Variants in STX8 observed in about 807,000 individuals in gnomAD.
STX8 encodes syntaxin-8.
In STX8, 23 loss-of-function variants were observed where a neutral mutation model predicts 37.5. The observed-to-expected ratio is 0.61, with a 90% CI of 0.44 to 0.87. The LOEUF is 0.87. Ranked by LOEUF, STX8 falls within the 40% of genes least tolerant of loss-of-function variation. The pLI is 0.00. For synonymous variants in STX8, 115 were observed against 99.1 expected, an observed-to-expected ratio of 1.16 and a Z score of -0.95; for missense variants, 313 against 284.7, an observed-to-expected ratio of 1.10 and a Z score of -0.71.
intron 6 of STX8, among the ~76,000 whole-genome samples, chr17:9,435,150 A>T (rs1904385511): frequency 6.6e-6 from 1 of 152,200 alleles, no homozygotes; most frequent in Non-Finnish European, 1.5e-5. Context: ...GACACTAATA[A>T]CCAAGATAAA....
intron 6 of STX8, among the ~76,000 whole-genome samples, chr17:9,404,120 G>C (rs750766067): frequency 6.6e-6 from 1 of 152,034 alleles, no homozygotes; most frequent in African/African-American, 2.4e-5. Flanking sequence ...AAAATCATAA[G>C]GAAGAGAAAA....
chr17:9,250,788 G>T, intron 7 of STX8, 143 bp from the exon 8 acceptor site: 1 of 820,600 alleles, frequency 1.2e-6, no homozygotes, highest in Non-Finnish European at 1.9e-6. Context: ...GTGGTCGGTG[G>T]CCTGGGGCGC....
At chr17:9,403,840 G>A (rs1182480420) in intron 6 of STX8, among the ~76,000 whole-genome samples, 2 of 151,950 alleles carry the variant, frequency 1.3e-5, no homozygotes, top group African/African-American at 4.8e-5. Context: ...TAGAGACGGG[G>A]TTTCACCATG....
chr17:9,301,421 G>T (rs1333744095), intron 7 of STX8, among the ~76,000 whole-genome samples: 1 of 151,714 alleles, frequency 6.6e-6, no homozygotes, highest in Non-Finnish European at 1.5e-5. Flanking sequence ...TTGTACACTT[G>T]AGATTAATTT....
intron 4 of STX8, among the ~76,000 whole-genome samples, chr17:9,509,030 C>T (rs1370676877): frequency 2.0e-5 from 3 of 152,120 alleles, no homozygotes; most frequent in Non-Finnish European, 4.4e-5. Context: ...TGGCAGATCA[C>T]GATGTCAGGA....
chr17:9,519,465 T>C (rs1744054617), intron 4 of STX8, among the ~76,000 whole-genome samples: 1 of 152,088 alleles, frequency 6.6e-6, no homozygotes, highest in Non-Finnish European at 1.5e-5. Flanking sequence ...TCCCCATTGG[T>C]ACTGCCTTGG....
At chr17:9,290,329 AG>A (rs1285535541) in intron 7 of STX8, among the ~76,000 whole-genome samples, 1 of 134,064 alleles carries the variant, frequency 7.5e-6, no homozygotes, top group Non-Finnish European at 1.6e-5. Context: ...GTGTGGATTG[AG>A]GGCAGGTGTA....
At chr17:9,444,823 T>C (rs181570082) in intron 6 of STX8, among the ~76,000 whole-genome samples, 8 of 152,322 alleles carry the variant, frequency 5.3e-5, no homozygotes, top group African/African-American at 1.9e-4. Context: ...GGAGACAGGC[T>C]TTTTGTCTTT....
At chr17:9,374,086 A>ATTTT (rs571434433) in intron 7 of STX8, among the ~76,000 whole-genome samples, 10 of 144,316 alleles carry the variant, frequency 6.9e-5, no homozygotes, top group African/African-American at 1.8e-4. Flanking sequence ...ACCACAATTA[A>ATTTT]TTTTTTTTTT....
intron 7 of STX8, among the ~76,000 whole-genome samples, chr17:9,279,068 G>GTT (rs5819218): frequency 6.9e-6 from 1 of 144,800 alleles, no homozygotes; most frequent in Non-Finnish European, 1.5e-5. Context: ...TTTGTTTTTT[G>GTT]TTTTTTTTTT....
intron 5 of STX8, among the ~76,000 whole-genome samples, chr17:9,503,728 C>G (rs12103723): frequency 0.032 from 4,884 of 152,152 alleles, 290 homozygotes; most frequent in African/African-American, 0.11. Flanking sequence ...TACATACTGA[C>G]ATTTTAAAAA....
chr17:9,327,176 A>G (rs1224224691), intron 7 of STX8, among the ~76,000 whole-genome samples: 1 of 150,408 alleles, frequency 6.6e-6, no homozygotes, highest in African/African-American at 2.5e-5. Context: ...AAAAAGAAGA[A>G]GAAGAAGGAA....
In STX8 at chr17:9,484,486, G is replaced by A. The variant is rs188228200; in HGVS notation, c.541+7343C>T. On this transcript the variant is annotated intron_variant, in intron 6 of 7. Transcript: ENST00000306357. ...AGGGAAGAACAGTAATTGGCAGGAG[G>A]GGGAAGGTATTCCAGCCACTGGGAA... Among the ~76,000 whole-genome samples, 161 of 152,000 alleles carry A rather than the reference G, an allele frequency of 1.1e-3. 1 individual carries two copies. Among genetic ancestry groups the A allele is most frequent in the African/African-American group, 3.7e-3 (152 of 41,462 alleles).
chr17:9,556,758 T>TATATATATATATACATAC (rs1906981845), intron 3 of STX8: 1 of 5,256 alleles, frequency 1.9e-4, no homozygotes, highest in African/African-American at 6.4e-4. Context: ...AAAATATATA[T>TATATATATATATACATAC]ATATATATAT....
chr17:9,521,375 C>T (rs1429745055), intron 4 of STX8, among the ~76,000 whole-genome samples: 2 of 152,168 alleles, frequency 1.3e-5, no homozygotes, highest in Non-Finnish European at 1.5e-5. Flanking sequence ...ATTGCCAAAC[C>T]TATGTGACTT....
intron 7 of STX8, among the ~76,000 whole-genome samples, chr17:9,368,326 A>G (rs544509602): frequency 6.6e-6 from 1 of 152,148 alleles, no homozygotes; most frequent in African/African-American, 2.4e-5. Context: ...AACACAGTGA[A>G]ACTCCGTCTC....
rs1453295518 is a variant in STX8 at position 9,455,805 on chromosome 17, ACT to A, written c.541+36022_541+36023del. Among the ~76,000 whole-genome samples the A allele has an allele frequency of 2.6e-5, 4 of 152,206 alleles. No homozygotes were observed. In the East Asian group the frequency reaches 7.7e-4, roughly 29 times the overall value. ...ACAATATTATTCACAAAGTGGGCTA[ACT>A]CTGTAACAGTCTTCCAGCCAAGAGT... On this transcript the variant is annotated intron_variant, in intron 6 of 7. Transcript: ENST00000306357.
At chr17:9,301,211 AT>A (rs1211033882) in intron 7 of STX8, among the ~76,000 whole-genome samples, 7 of 152,056 alleles carry the variant, frequency 4.6e-5, no homozygotes, top group Admixed American at 2.6e-4. Context: ...TGTGATAGTT[AT>A]TATTTAGCAT....
At chr17:9,313,980 T>G (rs1435309877) in intron 7 of STX8, among the ~76,000 whole-genome samples, 1 of 152,190 alleles carries the variant, frequency 6.6e-6, no homozygotes, top group Non-Finnish European at 1.5e-5. Context: ...TCTATTTACT[T>G]TAAGTTCTCA....
Sources: gnomAD v4.1 joint callset for allele counts (sites outside exome capture counted in the v4.1 genomes callset) on GRCh38, gnomAD v4.1.1 for gene constraint, MANE v1.5 for transcripts, NCBI Gene and HGNC (gene_info 2026-07-23, HGNC 2026-07-21) for gene names.